STRIP1: variants seen among roughly 807,000 people sequenced by gnomAD.
STRIP1 encodes striatin-interacting protein 1.
Under a neutral mutation model 106.2 loss-of-function variants are expected in STRIP1, and 63 were observed. That is an observed-to-expected ratio of 0.59 (90% CI 0.48 to 0.73). The LOEUF is 0.73. Among genes scored for constraint, STRIP1 ranks in the 30% least tolerant of loss-of-function variants. The probability of loss-of-function intolerance (pLI) is 0.00; values close to 1 mark genes in which losing one functional copy is unlikely to be tolerated. For synonymous variants in STRIP1, 390 were observed against 413.0 expected (o/e 0.94, Z 0.67); for missense variants, 857 against 1,074.8 (o/e 0.80, Z 2.83).
chr1:110,034,500 A>G (rs1652333866), upstream of STRIP1: 1 of 934,630 alleles, frequency 1.1e-6, no homozygotes, highest in Non-Finnish European at 1.5e-6. Context: ...ATCGCGAGGT[A>G]TTGGTCAGCC....
chr1:110,050,487 C>A, intron 18 of STRIP1, 78 bp downstream of exon 18: 1 of 1,349,534 alleles, frequency 7.4e-7, no homozygotes, highest in Non-Finnish European at 1.1e-6. Context: ...CCCAACACTG[C>A]AGGAATAGAG....
upstream of STRIP1, among the ~76,000 whole-genome samples, chr1:110,032,689 C>T (rs953579612): frequency 6.6e-6 from 1 of 152,094 alleles, no homozygotes; most frequent in African/African-American, 2.4e-5. Flanking sequence ...TGTTTATTTC[C>T]CCTACCCAGC....
In STRIP1 at chr1:110,034,675, T is replaced by C. The variant is rs1652348561; in HGVS notation, c.38T>C (p.Val13Ala). The C allele has an allele frequency of 3.3e-6, 5 of 1,525,362 alleles. No homozygotes were observed. Among genetic ancestry groups the C allele is most frequent in the Non-Finnish European group, 3.5e-6 (4 of 1,137,364 alleles). The allele number at this position is 1,525,362 out of a possible 1,614,324, so 94.5% of individuals were successfully genotyped here. A position where few individuals can be genotyped will look rare whatever the true frequency, so the allele number is the denominator to read the frequency against. Residue 13 changes from valine (V) to alanine (A), a missense_variant, in exon 1 of 21, where the codon GTG becomes GCG. Val to Ala is a moderately conservative substitution (Grantham distance 64). This residue lies in a region of STRIP1 where 107 missense variants were observed against 85.1 expected (regional missense o/e 1.26). Transcript: ENST00000369795. ...GTCGGCGGTCCGGGCCCACTGATCG[T>C]GAACAACAAACAGCCCCAGCCCCCG... The part of the protein sequence containing the change: ...PAVGGPGPLI[V>A]NNKQPQPPPP...
intron 1 of STRIP1, among the ~76,000 whole-genome samples, chr1:110,035,060 G>C (rs912091912): frequency 6.6e-6 from 1 of 152,242 alleles, no homozygotes; most frequent in East Asian, 1.9e-4. Flanking sequence ...CTGCTGGTTT[G>C]CTCCCCTGGG....
intron 9 of STRIP1, 55 bp downstream of exon 9, chr1:110,043,325 C>A (rs1305185477): frequency 6.5e-7 from 1 of 1,541,226 alleles, no homozygotes; most frequent in African/African-American, 1.4e-5. Context: ...TGCATGCTTG[C>A]AGCAGCACAG....
At chr1:110,044,811 T>G in intron 10 of STRIP1, 29 bp from the exon 11 acceptor site, 1 of 1,612,036 alleles carries the variant, frequency 6.2e-7, no homozygotes, top group South Asian at 1.1e-5. Flanking sequence ...AAACCTTTTT[T>G]CTTTCTCTCT....
In STRIP1 at chr1:110,040,627, T is replaced by A. The variant is rs1324623387; in HGVS notation, c.582-8T>A. On this transcript the variant is annotated splice_region_variant and splice_polypyrimidine_tract_variant and intron_variant, in intron 5 of 20. Coordinates refer to ENST00000369795, the MANE Select transcript of STRIP1 (RefSeq NM_033088.4). The stretch of plus-strand genomic sequence containing the variant: ...GAGGAAGATGCTGACTCTCAAAATC[T>A]CCTGCAGCAACAGTGCCGCCTGCAG... 1 of 1,609,352 alleles carries A rather than the reference T, an allele frequency of 6.2e-7. No individual in the cohort carries two copies. The highest frequency in any genetic ancestry group is 1.1e-5 in the South Asian group (1 of 90,078).
chr1:110,041,441 G>A (rs1652752897), intron 6 of STRIP1, 95 bp from the exon 7 acceptor site: 1 of 778,850 alleles, frequency 1.3e-6, no homozygotes, highest in African/African-American at 1.7e-5. Context: ...TTTATTAATA[G>A]TAAGCCCCTG....
chr1:110,047,868 C>G lies in STRIP1; in HGVS notation c.1660C>G (p.Pro554Ala), dbSNP rs1653102886. ...ILADVLPEEMPTTVLQSMKLG... is the reference protein window; with the variant it reads ...ILADVLPEEMATTVLQSMKLG... ...AGCGGACGTCTTGCCTGAGGAGATGCCGTGAGTATCATTCTGTGAATGAAG... is the reference window on the plus strand; with the variant it reads ...AGCGGACGTCTTGCCTGAGGAGATGGCGTGAGTATCATTCTGTGAATGAAG... Residue 554 changes from proline to alanine, a missense_variant and splice_region_variant, in exon 15 of 21, where the codon CCC (proline) becomes GCC (alanine). By Grantham distance (27) the Pro-to-Ala change is conservative (BLOSUM62 -1). Coordinates refer to ENST00000369795, the MANE Select transcript of STRIP1 (RefSeq NM_033088.4). The G allele has an allele frequency of 6.4e-7, 1 of 1,555,600 alleles. No individual in the cohort carries two copies. The highest frequency in any genetic ancestry group is 1.9e-5 in the Admixed American group (1 of 51,396).
chr1:110,043,062 G>T (rs1347590220), intron 8 of STRIP1, 26 bp from the exon 9 acceptor site: 2 of 1,590,120 alleles, frequency 1.3e-6, no homozygotes, highest in East Asian at 2.3e-5. Flanking sequence ...ATTGACCCTG[G>T]CTCTGCTTCC....
chr1:110,054,328 T>C lies in STRIP1; in HGVS notation c.*416T>C, dbSNP rs1653440664. 4 of 179,670 alleles carry C rather than the reference T, an allele frequency of 2.2e-5. No homozygotes were observed. The South Asian group carries it at 4.7e-4, about 21-fold the overall frequency. The allele number at this position is 179,670 out of a possible 1,614,324, so 11.1% of individuals were successfully genotyped here. A position where few individuals can be genotyped will look rare whatever the true frequency, so the allele number is the denominator to read the frequency against. ...GCTTGCAAAGGAGGAGAGTTTAGGA[T>C]TAGGGCCAGGGCCAGAAAGTCGGTA... On this transcript the variant is annotated 3_prime_UTR_variant, in exon 21 of 21. Coordinates refer to ENST00000369795, the MANE Select transcript of STRIP1 (RefSeq NM_033088.4).
At chr1:110,050,509 A>G in intron 18 of STRIP1, 100 bp downstream of exon 18, 4 of 1,156,600 alleles carry the variant, frequency 3.5e-6, no homozygotes, top group South Asian at 2.6e-5. Context: ...TGTCTCCCGC[A>G]GGTGAAATCA....
At position 110,053,739 on chromosome 1, in the gene STRIP1, C is replaced by T. The variant is rs759075344; in HGVS notation, c.2341C>T (p.Arg781Trp). The T allele has an allele frequency of 8.1e-6, 13 of 1,613,952 alleles. No individual in the cohort carries two copies. The highest frequency in any genetic ancestry group is 3.3e-5 in the Admixed American group (2 of 59,998). ...LRANIERFNA[R>W]RYDRAHSNPD... ...TGCCAACATTGAACGCTTCAACGCCCGGCGCTATGACCGGGCCCACAGCAA... is the reference window on the plus strand; with the variant it reads ...TGCCAACATTGAACGCTTCAACGCCTGGCGCTATGACCGGGCCCACAGCAA... Residue 781 changes from arginine (R) to tryptophan (W), a missense_variant, in exon 21 of 21, where the codon CGG becomes TGG. Transcript: ENST00000369795.
intron 6 of STRIP1, 56 bp downstream of exon 6, chr1:110,040,759 C>A: frequency 6.7e-7 from 1 of 1,500,594 alleles, no homozygotes; most frequent in Non-Finnish European, 9.1e-7. Context: ...GAGATCAGAG[C>A]AGGGTGTGGG....
chr1:110,045,324 C>T (rs1652970232), intron 12 of STRIP1: 2 of 472,494 alleles, frequency 4.2e-6, no homozygotes, highest in Admixed American at 3.5e-5. Context: ...GATTATATTA[C>T]CTGACCACCG....
At chr1:110,044,979 G>A (rs1391919270) in intron 11 of STRIP1, 36 bp from the exon 12 acceptor site, 1 of 1,613,832 alleles carries the variant, frequency 6.2e-7, no homozygotes, top group South Asian at 1.1e-5. Context: ...GTGATTTGAT[G>A]TCGAGGCTCA....
intron 1 of STRIP1, 67 bp from the exon 2 acceptor site, chr1:110,037,824 C>A: frequency 8.7e-7 from 1 of 1,145,752 alleles, no homozygotes; most frequent in Non-Finnish European, 1.3e-6. Flanking sequence ...AACAGCATCT[C>A]GAAGCATGAG....
chr1:110,050,905 C>T (rs1281545291), intron 18 of STRIP1, 51 bp from the exon 19 acceptor site: 2 of 1,069,090 alleles, frequency 1.9e-6, no homozygotes, highest in South Asian at 1.3e-5. Flanking sequence ...TTGGAAACTG[C>T]TGCACACACT....
rs746523484 is a variant in STRIP1 at position 110,044,850 on chromosome 1, A to G, written c.1297A>G (p.Ile433Val). The G allele has an allele frequency of 1.9e-6, 3 of 1,614,046 alleles. No individual in the cohort carries two copies. Among genetic ancestry groups the G allele is most frequent in the Non-Finnish European group, 2.5e-6 (3 of 1,180,028 alleles). The stretch of plus-strand genomic sequence containing the variant: ...TTGGTGATGTGGCAGAGAGAAAGAC[A>G]TTGAGATGTTCCTTGAGTCCAGCCG... ...PWAPKVREKDIEMFLESSRSK... is the reference protein window; with the variant it reads ...PWAPKVREKDVEMFLESSRSK... Residue 433 changes from isoleucine to valine, a missense_variant, in exon 11 of 21, where the codon ATT (isoleucine) becomes GTT (valine). Coordinates refer to ENST00000369795, the MANE Select transcript of STRIP1 (RefSeq NM_033088.4).
Sources: gnomAD v4.1 joint callset for allele counts (sites outside exome capture counted in the v4.1 genomes callset) on GRCh38, gnomAD v4.1.1 for gene constraint, gnomAD v4.1.1 regional missense constraint, MANE v1.5 for transcripts, NCBI Gene and HGNC (gene_info 2026-07-23, HGNC 2026-07-21) for gene names.